Variants in JAG1 observed in about 807,000 individuals in gnomAD.
JAG1 encodes the protein jagged canonical Notch ligand 1, also known as protein jagged-1.
JAG1 carries 23 observed loss-of-function variants against 148.7 expected under a neutral mutation model. The ratio of observed to expected loss-of-function variants is 0.15; its 90% CI spans 0.11 to 0.22. The LOEUF is 0.22. Among genes scored for constraint, JAG1 ranks in the 10% least tolerant of loss-of-function variants. JAG1 has a pLI of 1.00. For synonymous variants in JAG1, 572 were observed against 598.3 expected, an observed-to-expected ratio of 0.96 and a Z score of 0.64; for missense variants, 1,054 against 1,611.2, an observed-to-expected ratio of 0.65 and a Z score of 5.92.
intron 3 of JAG1, among the ~76,000 whole-genome samples, chr20:10,660,848 C>G (rs1471109605): frequency 1.3e-5 from 2 of 152,152 alleles, no homozygotes; most frequent in Non-Finnish European, 2.9e-5. Context: ...CCATGCCTCC[C>G]TGCAATCCCC....
intron 8 of JAG1, chr20:10,651,264 G>T: frequency 3.2e-6 from 1 of 313,302 alleles, no homozygotes. Flanking sequence ...TCCCCTGAAG[G>T]CAGCCTCTCC....
chr20:10,654,666 A>G (rs558252464), intron 5 of JAG1, among the ~76,000 whole-genome samples: 9 of 152,288 alleles, frequency 5.9e-5, no homozygotes, highest in Admixed American at 5.9e-4. Flanking sequence ...ACTTTCTTTC[A>G]AGGTAGGGAG....
chr20:10,650,480 GA>G lies in JAG1; in HGVS notation c.1121-121del, dbSNP rs2067338204. ...TGAAGAGCCAGACACCTGCTACAAG[GA>G]AAGCTACAGCAGGACAAGTGGGACG... On this transcript the variant is annotated intron_variant, in intron 8 of 25. Coordinates refer to ENST00000254958, the MANE Select transcript of JAG1 (RefSeq NM_000214.3). 1.1e-5 allele frequency: 8 copies of G among 704,672 alleles called. No homozygotes were observed. In the South Asian group the frequency reaches 1.2e-4, roughly 11 times the overall value. The allele number at this position is 704,672 out of a possible 1,614,324, so 43.7% of individuals were successfully genotyped here. A position where few individuals can be genotyped will look rare whatever the true frequency, so the allele number is the denominator to read the frequency against.
At chr20:10,671,286 T>C (rs1600195508) in intron 2 of JAG1, among the ~76,000 whole-genome samples, 2 of 152,230 alleles carry the variant, frequency 1.3e-5, no homozygotes, top group Admixed American at 6.5e-5. Context: ...TAAATACTCT[T>C]GGTAAAAATG....
In JAG1 at chr20:10,638,453, G is replaced by GCT. The variant is rs1334363069; in HGVS notation, c.*1043_*1044dup. ...CACATTTTGGCTATGTTAAGTCATA[G>GCT]CTCAACTTGTTCCCTTACTGCTCTG... is the stretch of plus-strand genomic sequence containing the variant. On this transcript the variant is annotated 3_prime_UTR_variant, in exon 26 of 26. Coordinates refer to ENST00000254958, the MANE Select transcript of JAG1 (RefSeq NM_000214.3). The GCT allele has an allele frequency of 6.6e-6, 1 of 152,618 alleles. No individual in the cohort carries two copies. Among genetic ancestry groups the GCT allele is most frequent in the Non-Finnish European group, 1.5e-5 (1 of 68,042 alleles). 9.5% of individuals were successfully genotyped at this position (152,618 alleles called of 1,614,324 possible).
rs750408323 is a variant in JAG1, at chr20:10,641,109, T to G, written c.3048+4A>C. The G allele has an allele frequency of 6.2e-7, 1 of 1,614,116 alleles. No individual in the cohort carries two copies. Among genetic ancestry groups the G allele is most frequent in the South Asian group, 1.1e-5 (1 of 91,086 alleles). On this transcript the variant is annotated splice_donor_region_variant and intron_variant, in intron 24 of 25. Coordinates refer to ENST00000254958, the MANE Select transcript of JAG1 (RefSeq NM_000214.3). Reference sequence around the variant, plus strand: ...AATGAGGTGTGAATGGGTCTTATACTTACAATGGCCACATGTATTTCATTG... The same window carrying G: ...AATGAGGTGTGAATGGGTCTTATACGTACAATGGCCACATGTATTTCATTG...
Position 10,658,843 on chromosome 20 carries a change from G to A in JAG1, c.440-121C>T, listed in dbSNP as rs974390231. ...CAAAATTCTATCTGTTGTAAAAAAGGCAAAGAAATGAAAAGTTTATGCCCC... is the reference window on the plus strand; with the variant it reads ...CAAAATTCTATCTGTTGTAAAAAAGACAAAGAAATGAAAAGTTTATGCCCC... On this transcript the variant is annotated intron_variant, in intron 3 of 25. Coordinates refer to ENST00000254958, the MANE Select transcript of JAG1 (RefSeq NM_000214.3). 3.6e-6 allele frequency: 4 copies of A among 1,124,842 alleles called. No individual in the cohort carries two copies. In the African/African-American group the frequency reaches 6.2e-5, roughly 17 times the overall value. 69.7% of individuals were successfully genotyped at this position (1,124,842 alleles called of 1,614,324 possible). A position where few individuals can be genotyped will look rare whatever the true frequency, so the allele number is the denominator to read the frequency against.
At chr20:10,652,797 C>T in intron 5 of JAG1, 199 bp from the exon 6 acceptor site, 1 of 510,780 alleles carries the variant, frequency 2.0e-6, no homozygotes, top group Admixed American at 3.0e-5. Context: ...CAGCCGACTC[C>T]TGACAAAAGG....
Position 10,639,647 on chromosome 20 carries a change from A to T in JAG1, c.3508T>A (p.Phe1170Ile). The stretch of plus-strand genomic sequence containing the variant: ...AGCGTGTACGCCGGCTGCTTGGCAA[A>T]CCGGGCTTTCTGCTGGTGTTTGTCC... Reference protein sequence around the residue: ...DMDKHQQKARFAKQPAYTLVD... With the variant: ...DMDKHQQKARIAKQPAYTLVD... Residue 1170 changes from phenylalanine (F) to isoleucine (I), a missense_variant, in exon 26 of 26, where the codon TTT becomes ATT. Around this residue, in one of 6 missense-constraint regions of JAG1, gnomAD observed 177 missense variants for 177.3 expected, o/e 1.00. Coordinates refer to ENST00000254958, the MANE Select transcript of JAG1 (RefSeq NM_000214.3). 1 of 1,614,040 alleles carries T rather than the reference A, an allele frequency of 6.2e-7. No individual in the cohort carries two copies.
chr20:10,647,400 C>G (rs2067316590), intron 13 of JAG1: 1 of 489,588 alleles, frequency 2.0e-6, no homozygotes, highest in African/African-American at 1.9e-5. Context: ...TAAACACTTG[C>G]TAAGGCAAAA....
rs1476080909 is a variant in JAG1, at chr20:10,673,265, C to G, written c.81+185G>C. On this transcript the variant is annotated intron_variant, in intron 1 of 25. Coordinates refer to ENST00000254958, the MANE Select transcript of JAG1 (RefSeq NM_000214.3). The surrounding 1 kb of genome is among the most constrained non-coding windows in gnomAD (Gnocchi z 4.7). Reference sequence around the variant, plus strand: ...CCCCTGTCCGGCCTGGAGGGGTCACCCTCAGGAGGCAGGGGCTCCCGTGGG... The same window carrying G: ...CCCCTGTCCGGCCTGGAGGGGTCACGCTCAGGAGGCAGGGGCTCCCGTGGG... Among the ~76,000 whole-genome samples, 1 of 152,148 alleles carries G rather than the reference C, an allele frequency of 6.6e-6. No homozygotes were observed. The highest frequency in any genetic ancestry group is 1.9e-4 in the East Asian group (1 of 5,180).
At chr20:10,661,566 C>A (rs144075733) in intron 3 of JAG1, among the ~76,000 whole-genome samples, 31 of 152,312 alleles carry the variant, frequency 2.0e-4, no homozygotes, top group Admixed American at 9.8e-4. Flanking sequence ...GTGTGTAAGA[C>A]AAGGCTGGCA....
rs1314252721 is a variant in JAG1 at position 10,638,416 on chromosome 20, T to C, written c.*1082A>G. On this transcript the variant is annotated 3_prime_UTR_variant, in exon 26 of 26. Coordinates refer to ENST00000254958, the MANE Select transcript of JAG1 (RefSeq NM_000214.3). ...ACAATTAATTTGATATTTTTAATCA[T>C]ATTCAACCACTCACATTTTGGCTAT... is the stretch of plus-strand genomic sequence containing the variant. The C allele has an allele frequency of 6.6e-6, 1 of 152,654 alleles. No homozygotes were observed. The highest frequency in any genetic ancestry group is 1.5e-5 in the Non-Finnish European group (1 of 68,032). The allele number at this position is 152,654 out of a possible 1,614,324, so 9.5% of individuals were successfully genotyped here.
At chr20:10,646,571 G>A (rs962876957) in intron 14 of JAG1, among the ~76,000 whole-genome samples, 1 of 151,894 alleles carries the variant, frequency 6.6e-6, no homozygotes, top group Non-Finnish European at 1.5e-5. Flanking sequence ...GGGAGGCCAA[G>A]TTGGGGGTCG....
chr20:10,660,392 C>A (rs1247592639), intron 3 of JAG1, among the ~76,000 whole-genome samples: 3 of 152,206 alleles, frequency 2.0e-5, no homozygotes, highest in Non-Finnish European at 2.9e-5. Flanking sequence ...TCTCCATTAA[C>A]TATGTTTGCT....
At chr20:10,656,122 T>TTA (rs1162257194) in intron 5 of JAG1, among the ~76,000 whole-genome samples, 1 of 152,190 alleles carries the variant, frequency 6.6e-6, no homozygotes, top group Non-Finnish European at 1.5e-5. Context: ...TAAGGGAAGA[T>TTA]TATAAAAATG....
intron 4 of JAG1, 55 bp from the exon 5 acceptor site, chr20:10,656,513 C>A: frequency 6.8e-7 from 1 of 1,472,256 alleles, no homozygotes; most frequent in Non-Finnish European, 9.5e-7. Flanking sequence ...TGCATCGCCC[C>A]GGTCATGAGA....
intron 14 of JAG1, 43 bp from the exon 15 acceptor site, chr20:10,646,127 G>A (rs752815588): frequency 7.1e-6 from 10 of 1,416,180 alleles, no homozygotes; most frequent in African/African-American, 1.4e-5. Flanking sequence ...AAGGACTTGT[G>A]AAGCCATAGA....
At chr20:10,663,663 C>T (rs1382884594) in intron 3 of JAG1, among the ~76,000 whole-genome samples, 1 of 152,198 alleles carries the variant, frequency 6.6e-6, no homozygotes, top group African/African-American at 2.4e-5. Flanking sequence ...CTTTAGCAGA[C>T]TACAAGGTTT....
Sources: gnomAD v4.1 joint callset for allele counts (sites outside exome capture counted in the v4.1 genomes callset) on GRCh38, gnomAD v4.1.1 for gene constraint, gnomAD v4.1.1 regional missense constraint, Gnocchi (gnomAD v3.1) non-coding constraint, MANE v1.5 for transcripts, NCBI Gene and HGNC (gene_info 2026-07-23, HGNC 2026-07-21) for gene names.